ZNF385D: variants seen among roughly 807,000 people sequenced by gnomAD.
The protein encoded by ZNF385D is zinc finger protein 659.
Under a neutral mutation model 35.8 loss-of-function variants are expected in ZNF385D, and 15 were observed. The observed-to-expected ratio is 0.42, with a 90% CI of 0.28 to 0.64. ZNF385D has a LOEUF of 0.64. Among genes scored for constraint, ZNF385D ranks in the 30% least tolerant of loss-of-function variants. The probability of loss-of-function intolerance (pLI) is 0.23; values close to 1 mark genes in which losing one functional copy is unlikely to be tolerated. For synonymous variants in ZNF385D, 212 were observed against 186.8 expected, an observed-to-expected ratio of 1.13 and a Z score of -1.10; for missense variants, 474 against 494.6, an observed-to-expected ratio of 0.96 and a Z score of 0.39.
At position 21,916,958 on chromosome 3, in the gene ZNF385D, A is replaced by G. The variant is rs148772835; in HGVS notation, c.325+251859T>C. 6.2e-3 allele frequency among the ~76,000 whole-genome samples: 944 copies of G among 152,196 alleles called. 8 individuals are homozygous for G. Among genetic ancestry groups the G allele is most frequent in the African/African-American group, 0.021 (862 of 41,526 alleles). ...TTAGCGTTAGCTCCCCCACACTCCC[A>G]CTGCTGCTGGTTGTTATCATGTTCT... On this transcript the variant is annotated intron_variant, in intron 3 of 5. Transcript: ENST00000494108.
At chr3:22,026,512 G>C (rs966878655) in intron 3 of ZNF385D, among the ~76,000 whole-genome samples, 1 of 152,152 alleles carries the variant, frequency 6.6e-6, no homozygotes, top group Non-Finnish European at 1.5e-5. Context: ...TTAAAGTAGG[G>C]ACTTATGGAA....
At position 22,123,508 on chromosome 3, in the gene ZNF385D, T is replaced by C. The variant is rs568600070; in HGVS notation, c.325+45309A>G. 4.0e-4 allele frequency among the ~76,000 whole-genome samples: 61 copies of C among 152,310 alleles called. 1 individual carries two copies. The highest frequency in any genetic ancestry group is 1.4e-3 in the South Asian group (7 of 4,828). On this transcript the variant is annotated intron_variant, in intron 3 of 5. Transcript: ENST00000494108. ...CATTTATCATTTCTTTGTTACAAAC[T>C]TTCCAATTGTACTCCCTCAGCTATT...
chr3:22,071,195 A>G (rs963778775), intron 3 of ZNF385D, among the ~76,000 whole-genome samples: 2 of 152,134 alleles, frequency 1.3e-5, no homozygotes, highest in Non-Finnish European at 2.9e-5. Flanking sequence ...TTCTCTTTAA[A>G]AGCTAAATTC....
At chr3:21,828,860 T>G (rs1381588743) in intron 3 of ZNF385D, among the ~76,000 whole-genome samples, 1 of 152,226 alleles carries the variant, frequency 6.6e-6, no homozygotes, top group Non-Finnish European at 1.5e-5. Flanking sequence ...AGACCACCTC[T>G]GGTCCTTGGC....
intron 2 of ZNF385D, among the ~76,000 whole-genome samples, chr3:21,576,276 G>T (rs7647636): frequency 0.47 from 71,606 of 152,010 alleles, 17,017 homozygotes; most frequent in African/African-American, 0.56. Flanking sequence ...ATCAGTGCTT[G>T]AACTTAAATA....
At chr3:21,620,507 T>G (rs566305081) in intron 2 of ZNF385D, among the ~76,000 whole-genome samples, 64 of 152,140 alleles carry the variant, frequency 4.2e-4, no homozygotes, top group African/African-American at 1.4e-3. Context: ...ATGATTAGTA[T>G]CCTTCAATGC....
intron 2 of ZNF385D, among the ~76,000 whole-genome samples, chr3:21,648,922 C>G (rs887376778): frequency 1.3e-5 from 2 of 152,024 alleles, no homozygotes; most frequent in African/African-American, 4.8e-5. Context: ...GTAGTATTAT[C>G]TCCATTTTAC....
intron 3 of ZNF385D, among the ~76,000 whole-genome samples, chr3:21,562,472 G>C (rs2062986400): frequency 6.6e-6 from 1 of 152,044 alleles, no homozygotes; most frequent in Admixed American, 6.6e-5. Flanking sequence ...CTGGATGTAA[G>C]AGGTGAAATT....
At chr3:22,157,529 T>C (rs1705672254) in intron 3 of ZNF385D, among the ~76,000 whole-genome samples, 1 of 152,112 alleles carries the variant, frequency 6.6e-6, no homozygotes, top group Admixed American at 6.6e-5. Flanking sequence ...TTCTTATTCC[T>C]TACAGGAAGT....
At chr3:21,936,484 G>C (rs1701264559) in intron 3 of ZNF385D, among the ~76,000 whole-genome samples, 1 of 151,662 alleles carries the variant, frequency 6.6e-6, no homozygotes, top group South Asian at 2.1e-4. Flanking sequence ...CCTACTCTGT[G>C]AGATAAACAA....
intron 2 of ZNF385D, among the ~76,000 whole-genome samples, chr3:22,247,235 C>G (rs1699832319): frequency 6.6e-6 from 1 of 151,584 alleles, no homozygotes; most frequent in South Asian, 2.1e-4. Context: ...TATATTAAAC[C>G]ATCTGATTAA....
At chr3:21,921,222 C>CAAA (rs11387962) in intron 3 of ZNF385D, among the ~76,000 whole-genome samples, 18,466 of 68,558 alleles carry the variant, frequency 0.27, 3,075 homozygotes, top group Non-Finnish European at 0.3. Context: ...GACTCCATCT[C>CAAA]AAAAAAAAAA....
rs184553275 is a variant in ZNF385D, at chr3:22,096,815, C to G, written c.325+72002G>C. ...GCGGAGTTTTAAAAATATGGCCTCA[C>G]AATTCTCTGATGCTCCTCTCATTGA... On this transcript the variant is annotated intron_variant, in intron 3 of 5. Coordinates refer to the ZNF385D transcript ENST00000494108. Among the ~76,000 whole-genome samples, 18 of 152,182 alleles carry G rather than the reference C, an allele frequency of 1.2e-4. No individual in the cohort carries two copies. The East Asian group carries it at 3.5e-3, about 29-fold the overall frequency.
At chr3:21,715,294 C>G (rs745453881) in intron 1 of ZNF385D, among the ~76,000 whole-genome samples, 4 of 152,052 alleles carry the variant, frequency 2.6e-5, no homozygotes, top group Non-Finnish European at 5.9e-5. Context: ...ACTCTCTATA[C>G]CAATGGTGTT....
At chr3:22,143,190 C>T (rs1704632925) in intron 3 of ZNF385D, among the ~76,000 whole-genome samples, 1 of 151,722 alleles carries the variant, frequency 6.6e-6, no homozygotes, top group African/African-American at 2.4e-5. Flanking sequence ...TCACTCCATT[C>T]TCCTGCCTCA....
intron 3 of ZNF385D, among the ~76,000 whole-genome samples, chr3:21,851,428 G>C (rs1178977896): frequency 6.6e-6 from 1 of 151,830 alleles, no homozygotes; most frequent in Admixed American, 6.6e-5. Context: ...TTTTACAATA[G>C]AAACGAAAAT....
At chr3:22,040,550 A>G (rs1698602168) in intron 3 of ZNF385D, among the ~76,000 whole-genome samples, 2 of 152,226 alleles carry the variant, frequency 1.3e-5, no homozygotes, top group Admixed American at 1.3e-4. Context: ...ACACATTGAT[A>G]AAAAGAAATA....
intron 3 of ZNF385D, among the ~76,000 whole-genome samples, chr3:21,813,797 A>G (rs1461417617): frequency 6.6e-6 from 1 of 152,180 alleles, no homozygotes; most frequent in Non-Finnish European, 1.5e-5. Flanking sequence ...TATCCAGGAG[A>G]ACCTCCCCAA....
chr3:22,138,630 C>A (rs1704306638), intron 3 of ZNF385D, among the ~76,000 whole-genome samples: 1 of 151,868 alleles, frequency 6.6e-6, no homozygotes. Context: ...AAAGCTGAAA[C>A]TGGATCCCTT....
Sources: gnomAD v4.1 joint callset for allele counts (sites outside exome capture counted in the v4.1 genomes callset) on GRCh38, gnomAD v4.1.1 for gene constraint, MANE v1.5 for transcripts, NCBI Gene and HGNC (gene_info 2026-07-23, HGNC 2026-07-21) for gene names.